Variants in ADGRD1 observed in about 807,000 individuals in gnomAD.
ADGRD1 encodes the protein G-protein coupled receptor 133.
Under a neutral mutation model 113.4 loss-of-function variants are expected in ADGRD1, and 77 were observed. That is an observed-to-expected ratio of 0.68 (90% confidence interval 0.57 to 0.82). The LOEUF is 0.82. Ranked by LOEUF, ADGRD1 falls within the 40% of genes least tolerant of loss-of-function variation. ADGRD1 has a pLI of 0.00. For missense variants in ADGRD1, 1,036 were observed against 1,139.1 expected (o/e 0.91, Z 1.30); for synonymous variants, 474 against 475.0 (o/e 1.00, Z 0.03).
intron 13 of ADGRD1, among the ~76,000 whole-genome samples, chr12:131,045,848 G>T (rs1048956473): frequency 9.2e-5 from 14 of 152,040 alleles, no homozygotes; most frequent in African/African-American, 2.4e-4. Context: ...AGGTGATAGC[G>T]CCCGTCCTGG....
intron 19 of ADGRD1, among the ~76,000 whole-genome samples, chr12:131,120,286 G>A (rs1056562326): frequency 1.3e-5 from 2 of 152,160 alleles, no homozygotes; most frequent in Non-Finnish European, 2.9e-5. Flanking sequence ...TAAAATTGTG[G>A]AGGAGCTGGC....
chr12:131,000,489 C>G (rs1876226949), intron 9 of ADGRD1, 47 bp downstream of exon 9: 1 of 1,490,850 alleles, frequency 6.7e-7, no homozygotes, highest in African/African-American at 1.4e-5. Context: ...TACCTATAAT[C>G]CCAGCACTTT....
At chr12:130,990,984 T>C in intron 6 of ADGRD1, 30 bp from the exon 7 acceptor site, 1 of 1,600,098 alleles carries the variant, frequency 6.2e-7, no homozygotes, top group Non-Finnish European at 8.6e-7. Context: ...GACCATGTTT[T>C]AGTCCTTAAT....
rs1328900046 is a variant in ADGRD1 at position 131,003,785 on chromosome 12, G to C, written c.1145-401G>C. Among the ~76,000 whole-genome samples the C allele has an allele frequency of 1.3e-5, 2 of 152,246 alleles. No homozygotes were observed. Among genetic ancestry groups the C allele is most frequent in the Non-Finnish European group, 2.9e-5 (2 of 68,044 alleles). ...GCAAGAGCCGAGCTGGGGAAAATGG[G>C]CTGAAGCTACAGGGGTTAGTTTAGT... On this transcript the variant is annotated intron_variant, in intron 10 of 24. Transcript: ENST00000261654. The surrounding 1 kb of genome is among the most constrained non-coding windows in gnomAD (Gnocchi z 4.8).
intron 13 of ADGRD1, among the ~76,000 whole-genome samples, chr12:131,065,279 A>G (rs879720963): frequency 4.6e-5 from 7 of 152,204 alleles, no homozygotes; most frequent in Non-Finnish European, 8.8e-5. Context: ...GCGATTGACC[A>G]GAGTGAAAAC....
At chr12:130,992,797 C>T (rs1023955721) in intron 8 of ADGRD1, among the ~76,000 whole-genome samples, 1 of 152,264 alleles carries the variant, frequency 6.6e-6, no homozygotes, top group Admixed American at 6.5e-5. Flanking sequence ...CAGTGGGAGT[C>T]CCCAAAGCTA....
In ADGRD1 at chr12:131,043,676, C is replaced by T. The variant is rs559580463; in HGVS notation, c.1473+29336C>T. 7.2e-5 allele frequency among the ~76,000 whole-genome samples: 11 copies of T among 152,358 alleles called. No individual in the cohort carries two copies. In the East Asian group the frequency reaches 1.5e-3, roughly 21 times the overall value. The stretch of plus-strand genomic sequence containing the variant: ...TCGGGTCCCGGGATGGAGGGCCCTG[C>T]GCACGCACACAGGGCCACACGGGGA... On this transcript the variant is annotated intron_variant, in intron 13 of 24. Transcript: ENST00000261654.
At chr12:131,129,149 C>T (rs796991782) in intron 20 of ADGRD1, among the ~76,000 whole-genome samples, 3 of 127,088 alleles carry the variant, frequency 2.4e-5, no homozygotes, top group Admixed American at 8.1e-5. Flanking sequence ...GTGACAGGCC[C>T]GCCCTGCTGT....
At chr12:131,095,870 TG>T (rs945209028) in intron 15 of ADGRD1, among the ~76,000 whole-genome samples, 1 of 152,162 alleles carries the variant, frequency 6.6e-6, no homozygotes, top group African/African-American at 2.4e-5. Context: ...TACAGGAAGC[TG>T]GGGTGTCAGG....
At chr12:131,083,445 AAAAAG>A (rs1420137202) in intron 14 of ADGRD1, among the ~76,000 whole-genome samples, 2 of 152,154 alleles carry the variant, frequency 1.3e-5, no homozygotes, top group African/African-American at 4.8e-5. Flanking sequence ...CTACAAAAAT[AAAAAG>A]AAAAGTATTA....
rs73477380 is a variant in ADGRD1 at position 131,044,549 on chromosome 12, T to C, written c.1473+30209T>C. 1.3e-3 allele frequency among the ~76,000 whole-genome samples: 191 copies of C among 152,320 alleles called. 2 individuals carry two copies. The highest frequency in any genetic ancestry group is 4.5e-3 in the African/African-American group (189 of 41,562). ...ATATTTATTTGTAATTCTGTAAACATAATTACATCTCCATTAAGAACCTGA... is the reference window on the plus strand; with the variant it reads ...ATATTTATTTGTAATTCTGTAAACACAATTACATCTCCATTAAGAACCTGA... On this transcript the variant is annotated intron_variant, in intron 13 of 24. Transcript: ENST00000261654.
At chr12:130,957,772 G>A (rs1196421534) in intron 2 of ADGRD1, 1 of 152,262 alleles carries the variant, frequency 6.6e-6, no homozygotes, top group African/African-American at 2.4e-5. Flanking sequence ...AGGGACGGAA[G>A]GGTGTGGTGA....
At chr12:130,991,252 A>C in intron 7 of ADGRD1, 174 bp downstream of exon 7, 1 of 525,472 alleles carries the variant, frequency 1.9e-6, no homozygotes, top group South Asian at 2.6e-5. Context: ...TCTTGGTGCT[A>C]AGAGTGACTG....
intron 13 of ADGRD1, among the ~76,000 whole-genome samples, chr12:131,051,207 G>A (rs932913659): frequency 9.2e-5 from 14 of 152,234 alleles, no homozygotes; most frequent in African/African-American, 3.4e-4. Flanking sequence ...CCCATGTCCC[G>A]GGGTGCTCGT....
At position 131,120,928 on chromosome 12, in the gene ADGRD1, C is replaced by G; in HGVS notation, c.2175+15C>G. ...TTGTCATCGTGGTACGTTTCCTACC[C>G]TTGTGGGCGCAGAGCGGGGCTGGGG... On this transcript the variant is annotated intron_variant, in intron 20 of 24. Coordinates refer to ENST00000261654, the MANE Select transcript of ADGRD1 (RefSeq NM_198827.5). 2 of 1,612,192 alleles carry G rather than the reference C, an allele frequency of 1.2e-6. No homozygotes were observed. The highest frequency in any genetic ancestry group is 1.7e-6 in the Non-Finnish European group (2 of 1,178,650).
chr12:131,078,852 A>C (rs1448038712), intron 14 of ADGRD1, among the ~76,000 whole-genome samples: 3 of 152,110 alleles, frequency 2.0e-5, no homozygotes, highest in Admixed American at 1.3e-4. Flanking sequence ...ATTATTACTT[A>C]TTATTATATA....
At chr12:131,108,393 C>G (rs1950279580) in intron 17 of ADGRD1, among the ~76,000 whole-genome samples, 1 of 152,174 alleles carries the variant, frequency 6.6e-6, no homozygotes, top group Non-Finnish European at 1.5e-5. Context: ...AGAATCCACC[C>G]TGATTGGACC....
intron 4 of ADGRD1, among the ~76,000 whole-genome samples, chr12:130,975,748 A>G (rs1872228097): frequency 6.6e-6 from 1 of 152,194 alleles, no homozygotes; most frequent in Admixed American, 6.5e-5. Flanking sequence ...ACAAGTAAAA[A>G]CACAGACAAC....
chr12:131,092,995 C>T (rs1309006030), intron 15 of ADGRD1, among the ~76,000 whole-genome samples: 2 of 151,438 alleles, frequency 1.3e-5, no homozygotes, highest in Admixed American at 6.6e-5. Flanking sequence ...GCACTCAGGG[C>T]GAGGTCCCCA....
Sources: gnomAD v4.1 joint callset for allele counts (sites outside exome capture counted in the v4.1 genomes callset) on GRCh38, gnomAD v4.1.1 for gene constraint, Gnocchi (gnomAD v3.1) non-coding constraint, MANE v1.5 for transcripts, NCBI Gene and HGNC (gene_info 2026-07-23, HGNC 2026-07-21) for gene names.